The following SAMD4B variants were observed in gnomAD, a reference collection of about 807,000 sequenced individuals.
SAMD4B encodes protein Smaug homolog 2.
A neutral mutation model predicts 74.5 loss-of-function variants in SAMD4B; 5 were observed. The observed-to-expected ratio is 0.07, with a 90% CI of 0.04 to 0.14. SAMD4B has a LOEUF of 0.14. Ranked by LOEUF, SAMD4B falls within the 10% of genes least tolerant of loss-of-function variation. The probability of loss-of-function intolerance (pLI) is 1.00; values close to 1 mark genes in which losing one functional copy is unlikely to be tolerated. For missense variants in SAMD4B, 608 were observed against 921.8 expected, an observed-to-expected ratio of 0.66 and a Z score of 4.41; for synonymous variants, 373 against 374.9, an observed-to-expected ratio of 1.00 and a Z score of 0.06.
chr19:39,386,749 T>C (rs1443628140), downstream of SAMD4B: 2 of 1,614,126 alleles, frequency 1.2e-6, no homozygotes, highest in Admixed American at 3.3e-5. This position sits in a 1 kb window ranked among gnomAD's most constrained non-coding sequence, Gnocchi z 6.1. Context: ...AAGCAGGGCG[T>C]TGGTGCCTGA....
chr19:39,350,844 C>T (rs1337755681), intron 1 of SAMD4B: 1 of 152,156 alleles, frequency 6.6e-6, no homozygotes, highest in Non-Finnish European at 1.5e-5. Flanking sequence ...CCTCGACCTC[C>T]AGAACTCAAG....
intron 3 of SAMD4B, among the ~76,000 whole-genome samples, chr19:39,362,096 G>C (rs767342361): frequency 1.3e-5 from 2 of 152,174 alleles, no homozygotes; most frequent in East Asian, 3.8e-4. Flanking sequence ...CCTTGGGTGT[G>C]GGTCAGAGCT....
chr19:39,383,682 T>C lies in SAMD4B; in HGVS notation c.*155T>C, dbSNP rs1186763304. ...TTACCCTCTTAACTTTTGTTTAACA[T>C]TGGCACATGCCTTGCTCACTCCCAG... On this transcript the variant is annotated 3_prime_UTR_variant, in exon 14 of 14. Coordinates refer to ENST00000610417, the MANE Select transcript of SAMD4B (RefSeq NM_001384574.2). The surrounding 1 kb of genome is among the most constrained non-coding windows in gnomAD (Gnocchi z 4.1). The C allele has an allele frequency of 5.1e-6, 8 of 1,554,866 alleles. No individual in the cohort carries two copies. Among genetic ancestry groups the C allele is most frequent in the Non-Finnish European group, 6.1e-6 (7 of 1,154,918 alleles).
Position 39,378,479 on chromosome 19 carries a change from C to T in SAMD4B, c.1445-25C>T, listed in dbSNP as rs780475574. ...CAGAGGGCATACTAGGGGTTAACCT[C>T]CTGCCCTTTCTCATGTCCCCCCAGT... On this transcript the variant is annotated intron_variant, in intron 8 of 13. Transcript: ENST00000610417. This position sits in a 1 kb window ranked among gnomAD's most constrained non-coding sequence, Gnocchi z 4.4. 5 of 1,609,010 alleles carry T rather than the reference C, an allele frequency of 3.1e-6. No individual in the cohort carries two copies. Among genetic ancestry groups the T allele is most frequent in the Admixed American group, 3.3e-5 (2 of 59,984 alleles).
downstream of SAMD4B, chr19:39,390,397 T>C (rs375441150): frequency 4.8e-6 from 5 of 1,031,082 alleles, no homozygotes; most frequent in Non-Finnish European, 4.4e-6. Flanking sequence ...CAAATGCTGG[T>C]TTCTTTGGGT....
Position 39,380,646 on chromosome 19 carries a change from G to A in SAMD4B, c.1709G>A (p.Arg570Gln), listed in dbSNP as rs754796404. The A allele has an allele frequency of 7.4e-6, 12 of 1,613,936 alleles. No homozygotes were observed. The highest frequency in any genetic ancestry group is 6.7e-5 in the Admixed American group (4 of 59,996). The part of the protein sequence containing the change: ...IAGSVGMGVA[R>Q]RTQRQFPMPP... The stretch of plus-strand genomic sequence containing the variant: ...GGCTCTGTGGGGATGGGAGTGGCCC[G>A]GCGTACCCAGCGGCAGTTCCCAATG... Residue 570 changes from arginine to glutamine, a missense_variant, in exon 11 of 14, where the codon CGG (arginine) becomes CAG (glutamine). By Grantham distance (43) the Arg-to-Gln change is conservative. Coordinates refer to ENST00000610417, the MANE Select transcript of SAMD4B (RefSeq NM_001384574.2).
rs2076363914 is a variant in SAMD4B at position 39,356,767 on chromosome 19, C to T, written c.-127C>T. The T allele has an allele frequency of 1.3e-6, 1 of 751,722 alleles. No individual in the cohort carries two copies. Among genetic ancestry groups the T allele is most frequent in the African/African-American group, 1.8e-5 (1 of 56,184 alleles). 46.6% of individuals were successfully genotyped at this position (751,722 alleles called of 1,614,324 possible). ...CTCCTCCCCCAACAACCGTTGCCACCACGCCCAGAAACGTCCTTAAGCCCT... is the reference window on the plus strand; with the variant it reads ...CTCCTCCCCCAACAACCGTTGCCACTACGCCCAGAAACGTCCTTAAGCCCT... On this transcript the variant is annotated 5_prime_UTR_variant, in exon 3 of 14. Coordinates refer to ENST00000610417, the MANE Select transcript of SAMD4B (RefSeq NM_001384574.2).
chr19:39,382,894 C>T (rs2078086355), intron 12 of SAMD4B, among the ~76,000 whole-genome samples: 1 of 152,142 alleles, frequency 6.6e-6, no homozygotes, highest in Non-Finnish European at 1.5e-5. Flanking sequence ...CCAGACTGTG[C>T]TCAAGACAGT....
downstream of SAMD4B, chr19:39,388,598 C>T (rs748866723): frequency 6.2e-7 from 1 of 1,614,124 alleles, no homozygotes; most frequent in South Asian, 1.1e-5. Flanking sequence ...CCTCCTGGTC[C>T]CGCTTTCGTT....
At chr19:39,365,911 G>A (rs938094427) in intron 3 of SAMD4B, among the ~76,000 whole-genome samples, 5 of 152,128 alleles carry the variant, frequency 3.3e-5, no homozygotes, top group African/African-American at 9.7e-5. Flanking sequence ...TTTAACAGGT[G>A]TTCCCTTGGC....
chr19:39,379,059 T>C (rs2077785088), intron 9 of SAMD4B, among the ~76,000 whole-genome samples: 1 of 151,640 alleles, frequency 6.6e-6, no homozygotes, highest in Admixed American at 6.6e-5. Flanking sequence ...TCTCTCTCTT[T>C]TTTTTTTTTT....
At chr19:39,370,223 C>G in intron 4 of SAMD4B, 98 bp downstream of exon 4, 1 of 1,234,602 alleles carries the variant, frequency 8.1e-7, no homozygotes, top group East Asian at 2.5e-5. Flanking sequence ...AGACAAGTCA[C>G]ATAAGCTGTA....
chr19:39,345,139 C>T (rs1249621660), intron 1 of SAMD4B, among the ~76,000 whole-genome samples: 1 of 152,200 alleles, frequency 6.6e-6, no homozygotes, highest in Admixed American at 6.5e-5. Context: ...GATGCACACG[C>T]AAGTTTGAGA....
chr19:39,346,826 G>A (rs973433173), intron 1 of SAMD4B, among the ~76,000 whole-genome samples: 4 of 152,120 alleles, frequency 2.6e-5, no homozygotes, highest in East Asian at 1.9e-4. Flanking sequence ...ACCCTAGGAC[G>A]AGTTACTTCC....
chr19:39,380,169 C>T, intron 10 of SAMD4B, 85 bp downstream of exon 10: 2 of 1,012,706 alleles, frequency 2.0e-6, no homozygotes, highest in Non-Finnish European at 2.9e-6. Flanking sequence ...TGATTGTGTT[C>T]TGGGCTGAGA....
At chr19:39,365,889 T>C (rs1206675694) in intron 3 of SAMD4B, among the ~76,000 whole-genome samples, 1 of 152,174 alleles carries the variant, frequency 6.6e-6, no homozygotes, top group African/African-American at 2.4e-5. Context: ...TTGATGACTT[T>C]GAATGAATGG....
At chr19:39,351,886 A>G (rs774739948) in intron 1 of SAMD4B, 6 of 152,232 alleles carry the variant, frequency 3.9e-5, no homozygotes, top group Non-Finnish European at 7.3e-5. Context: ...TCTGGAGCCA[A>G]GAAAGACAGT....
rs771801941 is a variant in SAMD4B, at chr19:39,376,507, G to A, written c.978G>A (p.Glu326=). ...CCCTCTTCTCACAGATGAGCTACGAGGAGATGATGACACTGACTGAGCAGC... is the reference window on the plus strand; with the variant it reads ...CCCTCTTCTCACAGATGAGCTACGAAGAGATGATGACACTGACTGAGCAGC... ...YAALFSQMSY[E]EMMTLTEQHL... is the part of the protein sequence containing the mutation. The change falls in exon 6 of 14, where the codon GAG becomes GAA. Residue 326 remains glutamate, a synonymous_variant. Transcript: ENST00000610417. 5.0e-6 allele frequency: 8 copies of A among 1,613,558 alleles called. No homozygotes were observed. In the South Asian group the frequency reaches 8.8e-5, roughly 18 times the overall value.
chr19:39,378,433 C>T lies in SAMD4B; in HGVS notation c.1445-71C>T. ...CTCCTGTTCCTTCTTGTGCACGAGC[C>T]AGCTGGAGGCTGGAACATGGCAGAG... On this transcript the variant is annotated intron_variant, in intron 8 of 13. Transcript: ENST00000610417. This position sits in a 1 kb window ranked among gnomAD's most constrained non-coding sequence, Gnocchi z 4.4. The T allele has an allele frequency of 7.2e-7, 1 of 1,387,972 alleles. No individual in the cohort carries two copies. Among genetic ancestry groups the T allele is most frequent in the East Asian group, 2.3e-5 (1 of 43,564 alleles). The allele number at this position is 1,387,972 out of a possible 1,614,324, so 86.0% of individuals were successfully genotyped here.
Sources: allele counts gnomAD v4.1 joint callset (sites outside exome capture counted in the v4.1 genomes callset), GRCh38; gene constraint gnomAD v4.1.1; non-coding constraint Gnocchi (gnomAD v3.1); transcripts MANE v1.5; gene names NCBI Gene and HGNC (gene_info 2026-07-23, HGNC 2026-07-21).